Variants in RBFOX1 observed in about 807,000 individuals in gnomAD.
The protein encoded by RBFOX1 is RNA binding protein fox-1 homolog 1.
RBFOX1 carries 8 observed loss-of-function variants against 57.7 expected under a neutral mutation model. The observed-to-expected ratio is 0.14, with a 90% CI of 0.08 to 0.25. RBFOX1 has a LOEUF of 0.25. RBFOX1 is among the 10% of genes least tolerant of loss of function. RBFOX1 has a pLI of 1.00. For synonymous variants in RBFOX1, 326 were observed against 222.4 expected, an observed-to-expected ratio of 1.47 and a Z score of -4.15; for missense variants, 611 against 548.5, an observed-to-expected ratio of 1.11 and a Z score of -1.14.
At chr16:5,531,184 A>G (rs2044463888) in intron 2 of RBFOX1, among the ~76,000 whole-genome samples, 2 of 152,088 alleles carry the variant, frequency 1.3e-5, no homozygotes, top group Admixed American at 1.3e-4. Flanking sequence ...AAGGTGGGAT[A>G]CTTTAGGGGA....
chr16:7,221,452 T>G (rs12051214), intron 4 of RBFOX1, among the ~76,000 whole-genome samples: 42,646 of 151,780 alleles, frequency 0.28, 7,678 homozygotes, highest in East Asian at 0.66. Context: ...CTGCAACCTC[T>G]CCCTCCCAGG....
chr16:5,814,899 G>A (rs912870430), intron 3 of RBFOX1, among the ~76,000 whole-genome samples: 6 of 152,014 alleles, frequency 3.9e-5, no homozygotes, highest in South Asian at 2.1e-4. Context: ...ACTGCAGTCC[G>A]CAGTCCGGCC....
intron 1 of RBFOX1, among the ~76,000 whole-genome samples, chr16:5,258,393 C>A (rs974281996): frequency 6.9e-5 from 10 of 144,402 alleles, no homozygotes. Context: ...AATTTACTTT[C>A]CCTCTAAAAA....
chr16:5,976,644 A>G (rs2060068631), intron 4 of RBFOX1, among the ~76,000 whole-genome samples: 1 of 152,098 alleles, frequency 6.6e-6, no homozygotes, highest in Non-Finnish European at 1.5e-5. Flanking sequence ...CGAGGTAGAC[A>G]GATTACTTGA....
At chr16:7,529,963 C>A (rs557970460) in intron 5 of RBFOX1, among the ~76,000 whole-genome samples, 34 of 143,606 alleles carry the variant, frequency 2.4e-4, no homozygotes, top group African/African-American at 7.8e-4. Flanking sequence ...GAGCTGAGAT[C>A]ATGCCACTGC....
intron 4 of RBFOX1, among the ~76,000 whole-genome samples, chr16:7,516,025 A>G (rs2076279760): frequency 6.6e-6 from 1 of 152,066 alleles, no homozygotes; most frequent in African/African-American, 2.4e-5. Flanking sequence ...TTGTATTTTT[A>G]GTAGAGGCAG....
intron 2 of RBFOX1, among the ~76,000 whole-genome samples, chr16:5,515,701 T>C (rs2043767163): frequency 6.6e-6 from 1 of 152,188 alleles, no homozygotes; most frequent in Admixed American, 6.5e-5. Context: ...CCAATAGTTT[T>C]GGGAAATATG....
chr16:6,618,123 C>T (rs371193011), intron 2 of RBFOX1, among the ~76,000 whole-genome samples: 120 of 152,102 alleles, frequency 7.9e-4, no homozygotes, highest in Non-Finnish European at 1.5e-3. Flanking sequence ...TTATCCTAAC[C>T]GTCAGTGCTC....
chr16:6,671,909 A>C (rs934914488), intron 3 of RBFOX1, among the ~76,000 whole-genome samples: 2 of 152,366 alleles, frequency 1.3e-5, no homozygotes, highest in African/African-American at 4.8e-5. Context: ...TCACACGCCA[A>C]GTTGCCTTTA....
chr16:6,493,749 G>C (rs1225948033), intron 2 of RBFOX1, among the ~76,000 whole-genome samples: 1 of 152,164 alleles, frequency 6.6e-6, no homozygotes, highest in Non-Finnish European at 1.5e-5. Flanking sequence ...AAACACTTCA[G>C]AGAAAGGCAG....
intron 4 of RBFOX1, among the ~76,000 whole-genome samples, chr16:7,298,275 G>GTTTT (rs1281918637): frequency 3.4e-5 from 4 of 117,556 alleles, no homozygotes; most frequent in African/African-American, 1.0e-4. Flanking sequence ...TTGTGTATAG[G>GTTTT]TTTTTTTTTG....
intron 11 of RBFOX1, among the ~76,000 whole-genome samples, chr16:7,649,881 G>GA (rs1255850913): frequency 6.6e-6 from 1 of 151,476 alleles, no homozygotes; most frequent in Non-Finnish European, 1.5e-5. Flanking sequence ...GCCCTCTTTA[G>GA]AAAAAAAATT....
chr16:5,682,124 G>A (rs183426378), intron 3 of RBFOX1, among the ~76,000 whole-genome samples: 6 of 152,236 alleles, frequency 3.9e-5, no homozygotes, highest in East Asian at 3.9e-4. Flanking sequence ...GTTTCATGTC[G>A]GGCACTGGGG....
intron 4 of RBFOX1, among the ~76,000 whole-genome samples, chr16:7,348,929 G>A (rs952816146): frequency 2.0e-4 from 31 of 152,026 alleles, no homozygotes; most frequent in African/African-American, 5.6e-4. Context: ...GTGACACAGC[G>A]AGACTCCACC....
In RBFOX1 at chr16:6,497,556, G is replaced by GTA. The variant is rs2095804317; in HGVS notation, c.-63-157046_-63-157045insAT. On this transcript the variant is annotated intron_variant, in intron 2 of 15. Transcript: ENST00000550418. ...TAAATCCTTTACACCGATTTTTGAA[G>GTA]TTTTTAAAAAAAAAAAAAAAACAGA... Among the ~76,000 whole-genome samples, 15 of 64,674 alleles carry GTA rather than the reference G, an allele frequency of 2.3e-4. 1 individual carries two copies. In the South Asian group the frequency reaches 6.5e-3, roughly 28 times the overall value. 42.4% of individuals were successfully genotyped at this position (64,674 alleles called of 152,430 possible). A position where few individuals can be genotyped will look rare whatever the true frequency, so the allele number is the denominator to read the frequency against.
At chr16:7,549,893 G>C (rs2085796580) in intron 5 of RBFOX1, among the ~76,000 whole-genome samples, 1 of 152,070 alleles carries the variant, frequency 6.6e-6, no homozygotes, top group African/African-American at 2.4e-5. Context: ...CAATCACGTT[G>C]ACAATATTAA....
intron 14 of RBFOX1, among the ~76,000 whole-genome samples, chr16:7,699,212 G>A (rs535563810): frequency 6.6e-6 from 1 of 152,252 alleles, no homozygotes; most frequent in East Asian, 1.9e-4. Context: ...CTTTGAGATA[G>A]GGTCTCTGTC....
At chr16:5,565,627 C>CATACATAAATAA (rs1555466588) in intron 2 of RBFOX1, among the ~76,000 whole-genome samples, 9 of 142,836 alleles carry the variant, frequency 6.3e-5, no homozygotes, top group East Asian at 6.3e-4. Context: ...CTCTGCCTTA[C>CATACATAAATAA]ATAAATAAAT....
At position 7,523,744 on chromosome 16, in the gene RBFOX1, G is replaced by A. The variant is rs140112535; in HGVS notation, c.270+5355G>A. ...GCGGGAATCATAAAGGGGCTGTCTC[G>A]TTTTTTGTTACAAACAATTACATCT... On this transcript the variant is annotated intron_variant, in intron 5 of 15. Coordinates refer to ENST00000550418, the MANE Select transcript of RBFOX1 (RefSeq NM_018723.4). Among the ~76,000 whole-genome samples the A allele has an allele frequency of 2.9e-3, 436 of 152,232 alleles. 1 individual carries two copies. Among genetic ancestry groups the A allele is most frequent in the Middle Eastern group, 0.02 (6 of 294 alleles).
Sources: gnomAD v4.1 joint callset for allele counts (sites outside exome capture counted in the v4.1 genomes callset) on GRCh38, gnomAD v4.1.1 for gene constraint, MANE v1.5 for transcripts, NCBI Gene and HGNC (gene_info 2026-07-23, HGNC 2026-07-21) for gene names.